The following CALN1 variants were observed in gnomAD, a reference collection of about 807,000 sequenced individuals.
CALN1 encodes the protein calneuron 1, also known as calcium-binding protein 8.
Under a neutral mutation model 30.6 loss-of-function variants are expected in CALN1, and 17 were observed. That is an observed-to-expected ratio of 0.56 (90% CI 0.38 to 0.83). CALN1 has a LOEUF of 0.83. Ranked by LOEUF, CALN1 falls within the 40% of genes least tolerant of loss-of-function variation. The probability of loss-of-function intolerance (pLI) is 0.00; values close to 1 mark genes in which losing one functional copy is unlikely to be tolerated. For missense variants in CALN1, 291 were observed against 354.9 expected, an observed-to-expected ratio of 0.82 and a Z score of 1.45; for synonymous variants, 156 against 131.4, an observed-to-expected ratio of 1.19 and a Z score of -1.28.
rs115622654 is a variant in CALN1 at position 71,908,730 on chromosome 7, G to A, written c.502-98238C>T. 8.8e-3 allele frequency among the ~76,000 whole-genome samples: 1,335 copies of A among 152,220 alleles called. 23 individuals carry two copies. The highest frequency in any genetic ancestry group is 0.03 in the African/African-American group (1,251 of 41,526). On this transcript the variant is annotated intron_variant, in intron 5 of 6. Transcript: ENST00000395275. ...CAAGGACTGAAGTGTCCTCCTTATT[G>A]TGAAAGGGAACTGAGGTAGAGCCTC...
chr7:71,880,934 A>C (rs1326131237), intron 5 of CALN1, among the ~76,000 whole-genome samples: 3 of 152,076 alleles, frequency 2.0e-5, no homozygotes, highest in African/African-American at 7.2e-5. Context: ...GTCTGTGAGG[A>C]TGTTGCCAAA....
At chr7:72,320,419 G>A (rs1174338401) in intron 2 of CALN1, among the ~76,000 whole-genome samples, 1 of 152,090 alleles carries the variant, frequency 6.6e-6, no homozygotes, top group Non-Finnish European at 1.5e-5. Flanking sequence ...GGCTCTTATT[G>A]GGGAAGCAAG....
At chr7:71,979,638 G>A (rs1318554798) in intron 5 of CALN1, among the ~76,000 whole-genome samples, 1 of 152,068 alleles carries the variant, frequency 6.6e-6, no homozygotes, top group Admixed American at 6.6e-5. Flanking sequence ...CTTCCTAACA[G>A]GTCATGGACC....
intron 2 of CALN1, among the ~76,000 whole-genome samples, chr7:72,366,670 T>C (rs572712242): frequency 1.3e-5 from 2 of 152,266 alleles, no homozygotes; most frequent in South Asian, 2.1e-4. Context: ...AAAGTTCACA[T>C]ATAATGAATA....
At chr7:72,041,735 G>A (rs935567469) in intron 4 of CALN1, among the ~76,000 whole-genome samples, 1 of 152,126 alleles carries the variant, frequency 6.6e-6, no homozygotes, top group African/African-American at 2.4e-5. Flanking sequence ...TCATGGGAGG[G>A]ACCCAGTGGG....
intron 3 of CALN1, among the ~76,000 whole-genome samples, chr7:72,253,731 G>A (rs1209342107): frequency 1.3e-5 from 2 of 152,068 alleles, no homozygotes; most frequent in African/African-American, 2.4e-5. Flanking sequence ...GGGACACAAA[G>A]CCAAACCATA....
At chr7:72,377,779 A>C (rs556128843) in intron 2 of CALN1, among the ~76,000 whole-genome samples, 24 of 152,252 alleles carry the variant, frequency 1.6e-4, no homozygotes, top group Non-Finnish European at 2.9e-4. Flanking sequence ...AGGTTTCTCC[A>C]ACACTCAGTC....
intron 4 of CALN1, among the ~76,000 whole-genome samples, chr7:72,049,733 C>A (rs1802712361): frequency 6.6e-6 from 1 of 151,940 alleles, no homozygotes; most frequent in Non-Finnish European, 1.5e-5. Flanking sequence ...GTCTCGAACT[C>A]CTGACCTCAG....
chr7:72,275,103 C>G (rs1007663824), intron 3 of CALN1, among the ~76,000 whole-genome samples: 3 of 152,014 alleles, frequency 2.0e-5, no homozygotes, highest in African/African-American at 7.2e-5. Context: ...TAGCCATTCA[C>G]AAGCAGAAGG....
At chr7:72,391,384 T>C (rs1484025318) in intron 2 of CALN1, among the ~76,000 whole-genome samples, 1 of 152,228 alleles carries the variant, frequency 6.6e-6, no homozygotes, top group African/African-American at 2.4e-5. Flanking sequence ...TGACTTCCCC[T>C]AGAATCCTAC....
At chr7:72,067,730 C>T (rs751738249) in intron 4 of CALN1, among the ~76,000 whole-genome samples, 7 of 152,136 alleles carry the variant, frequency 4.6e-5, no homozygotes, top group Non-Finnish European at 1.0e-4. Context: ...GCTGATCCAC[C>T]GAATGGCATG....
intron 5 of CALN1, among the ~76,000 whole-genome samples, chr7:71,989,835 A>G (rs188722623): frequency 2.0e-4 from 30 of 152,324 alleles, no homozygotes; most frequent in Admixed American, 1.8e-3. Context: ...CAGGCACACT[A>G]TGGAACAGAA....
rs139778754 is a variant in CALN1, at chr7:72,265,375, C to A, written c.244+13311G>T. 3.6e-4 allele frequency among the ~76,000 whole-genome samples: 55 copies of A among 152,256 alleles called. 1 individual carries two copies. The East Asian group carries it at 6.6e-3, about 18-fold the overall frequency. ...TAGAACATGTTGCTAATATCAAATT[C>A]TTGAGTAGTCCCAGGGAACAGTTGA... On this transcript the variant is annotated intron_variant, in intron 3 of 6. Coordinates refer to ENST00000395275, the MANE Select transcript of CALN1 (RefSeq NM_031468.4).
chr7:71,962,870 G>A (rs1033797406), intron 5 of CALN1, among the ~76,000 whole-genome samples: 2 of 152,106 alleles, frequency 1.3e-5, no homozygotes, highest in African/African-American at 4.8e-5. Flanking sequence ...AAAGTAACAA[G>A]GAAAAATGAA....
chr7:72,442,734 ATTAT>A (rs544762186), intron 1 of CALN1, among the ~76,000 whole-genome samples: 5 of 125,082 alleles, frequency 4.0e-5, no homozygotes, highest in Admixed American at 4.0e-4. Context: ...AAGGGTTGCA[ATTAT>A]TTAGGATTGC....
At position 71,787,895 on chromosome 7, in the gene CALN1, G is replaced by T. The variant is rs1793067973; in HGVS notation, c.666C>A (p.Ser222=). Residue 222 remains serine (S), a synonymous_variant, in exon 7 of 7, where the codon TCC becomes TCA. Coordinates refer to ENST00000395275, the MANE Select transcript of CALN1 (RefSeq NM_031468.4). ...NCQTEFEGVH[S]QKQNRQTCVR... ...CGCAGGTCTGTCTGTTCTGCTTCTG[G>T]GAATGCACTGGTGGTGGGAGAAGCA... The T allele has an allele frequency of 6.2e-7, 1 of 1,614,088 alleles. No homozygotes were observed. Among genetic ancestry groups the T allele is most frequent in the Non-Finnish European group, 8.5e-7 (1 of 1,180,012 alleles).
chr7:72,144,218 A>C (rs890664478), intron 3 of CALN1, among the ~76,000 whole-genome samples: 1 of 152,200 alleles, frequency 6.6e-6, no homozygotes, highest in Non-Finnish European at 1.5e-5. Context: ...AGTGTGCTGT[A>C]TTCAGGAAAC....
chr7:71,830,995 T>C (rs981523186), intron 5 of CALN1, among the ~76,000 whole-genome samples: 2 of 152,138 alleles, frequency 1.3e-5, no homozygotes, highest in African/African-American at 2.4e-5. Flanking sequence ...CAGCTGCAGC[T>C]GTTCCGGAAA....
intron 2 of CALN1, among the ~76,000 whole-genome samples, chr7:72,380,812 A>G (rs887414318): frequency 3.3e-5 from 5 of 152,200 alleles, no homozygotes; most frequent in Non-Finnish European, 7.4e-5. Flanking sequence ...ATGGCACTCC[A>G]GTCTCGGCAA....
Sources: gnomAD v4.1 joint callset for allele counts (sites outside exome capture counted in the v4.1 genomes callset) on GRCh38, gnomAD v4.1.1 for gene constraint, MANE v1.5 for transcripts, NCBI Gene and HGNC (gene_info 2026-07-23, HGNC 2026-07-21) for gene names.